DCAF5: variants seen among roughly 807,000 people sequenced by gnomAD.
The protein encoded by DCAF5 is DDB1 and CUL4 associated factor 5.
In DCAF5, 9 loss-of-function variants were observed where a neutral mutation model predicts 80.7. That is an observed-to-expected ratio of 0.11 (90% CI 0.07 to 0.19). DCAF5 has a LOEUF of 0.19. Ranked by LOEUF, DCAF5 falls within the 10% of genes least tolerant of loss-of-function variation. The pLI, the probability that DCAF5 is intolerant of heterozygous loss-of-function variation, is 1.00. For missense variants in DCAF5, 842 were observed against 1,205.7 expected (o/e 0.70, Z 4.47); for synonymous variants, 433 against 461.9 (o/e 0.94, Z 0.80).
At chr14:69,126,345 C>T (rs562005954) in intron 1 of DCAF5, among the ~76,000 whole-genome samples, 9 of 152,064 alleles carry the variant, frequency 5.9e-5, no homozygotes, top group East Asian at 1.9e-4. Context: ...TTAGTAGGGA[C>T]GGGGTTTCAC....
At chr14:69,116,018 C>T (rs1249578865) in intron 5 of DCAF5, among the ~76,000 whole-genome samples, 6 of 152,122 alleles carry the variant, frequency 3.9e-5, no homozygotes, top group Non-Finnish European at 8.8e-5. Context: ...CACCTCCTCC[C>T]CTCCACCCAC....
chr14:69,110,828 G>A (rs1327064025), intron 5 of DCAF5, among the ~76,000 whole-genome samples: 1 of 124,146 alleles, frequency 8.1e-6, no homozygotes, highest in Non-Finnish European at 1.6e-5. Context: ...CAGTAGCCAT[G>A]ATCATGCCAC....
chr14:69,129,824 C>A lies in DCAF5; in HGVS notation c.215-7464G>T, dbSNP rs564962549. Among the ~76,000 whole-genome samples the A allele has an allele frequency of 2.0e-5, 3 of 152,290 alleles. No individual in the cohort carries two copies. In the South Asian group the frequency reaches 6.2e-4, roughly 32 times the overall value. On this transcript the variant is annotated intron_variant, in intron 1 of 8. Transcript: ENST00000341516. ...TCTCAGTGCCAGTGCCAGGCAAAGA[C>A]AAGCAGAGGCCAGGCCTTCTAAGCC... is the stretch of plus-strand genomic sequence containing the variant.
At chr14:69,111,834 G>A (rs2040378683) in intron 5 of DCAF5, among the ~76,000 whole-genome samples, 1 of 152,132 alleles carries the variant, frequency 6.6e-6, no homozygotes, top group African/African-American at 2.4e-5. Flanking sequence ...TTTTTATCCA[G>A]TCACCTACAC....
At chr14:69,089,934 G>C in intron 6 of DCAF5, 1 of 985,386 alleles carries the variant, frequency 1.0e-6, no homozygotes, top group South Asian at 4.7e-5. Context: ...GGAAACCATG[G>C]TCTAGGTGCT....
chr14:69,142,259 C>G (rs2041400289), intron 1 of DCAF5, among the ~76,000 whole-genome samples: 1 of 152,214 alleles, frequency 6.6e-6, no homozygotes, highest in African/African-American at 2.4e-5. Flanking sequence ...GTAACTGCCC[C>G]TGCACTCTGG....
intron 1 of DCAF5, among the ~76,000 whole-genome samples, chr14:69,124,261 C>T (rs1031065986): frequency 1.3e-5 from 2 of 152,150 alleles, no homozygotes; most frequent in African/African-American, 2.4e-5. Context: ...CACCTTTTGG[C>T]TATTGTGAAT....
rs1170940473 is a variant in DCAF5, at chr14:69,055,114, G to A, written c.1572C>T (p.Leu524=). Residue 524 remains leucine, a synonymous_variant, in exon 9 of 9, where the codon CTC becomes CTT. Transcript: ENST00000341516. The surrounding 1 kb of genome is among the most constrained non-coding windows in gnomAD (Gnocchi z 5.6). The part of the protein sequence containing the change: ...SALRRYQDKR[L]LALSNESDSE... ...AATCGGACTCATTGGAAAGGGCCAG[G>A]AGGCGTTTGTCTTGGTAGCGCCGCA... is the stretch of plus-strand genomic sequence containing the variant. 10 of 1,614,134 alleles carry A rather than the reference G, an allele frequency of 6.2e-6. No individual in the cohort carries two copies. In the Admixed American group the frequency reaches 6.7e-5, roughly 11 times the overall value.
At chr14:69,067,870 C>T (rs1253931462) in intron 7 of DCAF5, among the ~76,000 whole-genome samples, 5 of 151,890 alleles carry the variant, frequency 3.3e-5, no homozygotes, top group Admixed American at 2.6e-4. Context: ...CTCTTGACCT[C>T]GTGATCTGCC....
intron 6 of DCAF5, among the ~76,000 whole-genome samples, chr14:69,080,057 G>A (rs951330167): frequency 1.3e-5 from 2 of 152,132 alleles, no homozygotes; most frequent in Non-Finnish European, 2.9e-5. Flanking sequence ...AGTATTCCAG[G>A]AGAGCAGACA....
intron 1 of DCAF5, among the ~76,000 whole-genome samples, chr14:69,132,413 A>G (rs2041068241): frequency 6.6e-6 from 1 of 152,144 alleles, no homozygotes; most frequent in African/African-American, 2.4e-5. Flanking sequence ...CCTTTTAAAT[A>G]TCTCAGAGCG....
chr14:69,088,301 T>C (rs2039415267), intron 6 of DCAF5, among the ~76,000 whole-genome samples: 1 of 152,222 alleles, frequency 6.6e-6, no homozygotes. Flanking sequence ...GTGTTGTGAC[T>C]TGTGACCTCT....
chr14:69,090,433 T>A (rs139953923), intron 6 of DCAF5: 1 of 152,392 alleles, frequency 6.6e-6, no homozygotes, highest in East Asian at 1.9e-4. Flanking sequence ...AAGTAGGCCC[T>A]AAGACTCCAA....
At chr14:69,147,190 T>C (rs918535628) in intron 1 of DCAF5, among the ~76,000 whole-genome samples, 4 of 152,234 alleles carry the variant, frequency 2.6e-5, no homozygotes, top group South Asian at 4.1e-4. Flanking sequence ...TTAAAAATAC[T>C]CTTTGATGAC....
At chr14:69,064,450 G>A (rs2038354561) in intron 7 of DCAF5, among the ~76,000 whole-genome samples, 1 of 152,152 alleles carries the variant, frequency 6.6e-6, no homozygotes, top group African/African-American at 2.4e-5. Flanking sequence ...GGATTTAAGT[G>A]ACTTATCCCA....
chr14:69,110,215 T>C (rs2140034988), intron 5 of DCAF5, among the ~76,000 whole-genome samples: 1 of 150,550 alleles, frequency 6.6e-6, no homozygotes, highest in African/African-American at 2.4e-5. Context: ...ATATTCTTAA[T>C]GTATGTATTA....
At chr14:69,071,807 C>T (rs2038702527) in intron 7 of DCAF5, among the ~76,000 whole-genome samples, 1 of 152,124 alleles carries the variant, frequency 6.6e-6, no homozygotes, top group African/African-American at 2.4e-5. Flanking sequence ...CTGAACCTTG[C>T]TAAATATTTT....
At chr14:69,084,281 A>T in intron 6 of DCAF5, 3 of 972,668 alleles carry the variant, frequency 3.1e-6, no homozygotes, top group Non-Finnish European at 5.0e-6. Flanking sequence ...TGCTAATGGG[A>T]TCAACATCAC....
Position 69,082,722 on chromosome 14 carries a change from T to C in DCAF5, c.880-7311A>G, listed in dbSNP as rs75038759. Reference sequence around the variant, plus strand: ...ATGATAGCACTCACTTCAGTCCATATATGAGTATTTATACTCTTCATTCAA... The same window carrying C: ...ATGATAGCACTCACTTCAGTCCATACATGAGTATTTATACTCTTCATTCAA... On this transcript the variant is annotated intron_variant, in intron 6 of 8. Coordinates refer to ENST00000341516, the MANE Select transcript of DCAF5 (RefSeq NM_003861.3). Among the ~76,000 whole-genome samples, 1,330 of 152,322 alleles carry C rather than the reference T, an allele frequency of 8.7e-3. 18 individuals carry two copies. Among genetic ancestry groups the C allele is most frequent in the African/African-American group, 0.029 (1,187 of 41,560 alleles).
Sources: allele counts gnomAD v4.1 joint callset (sites outside exome capture counted in the v4.1 genomes callset), GRCh38; gene constraint gnomAD v4.1.1; non-coding constraint Gnocchi (gnomAD v3.1); transcripts MANE v1.5; gene names NCBI Gene and HGNC (gene_info 2026-07-23, HGNC 2026-07-21).